PPP1R9A: variants seen among roughly 807,000 people sequenced by gnomAD.
The protein encoded by PPP1R9A is neurabin-1.
Under a neutral mutation model 141.9 loss-of-function variants are expected in PPP1R9A, and 59 were observed. The observed-to-expected ratio is 0.42, with a 90% CI of 0.34 to 0.52. The LOEUF is 0.52. PPP1R9A is among the 20% of genes least tolerant of loss of function. The probability of loss-of-function intolerance (pLI) is 0.10; values close to 1 mark genes in which losing one functional copy is unlikely to be tolerated. For synonymous variants in PPP1R9A, 500 were observed against 569.7 expected, an observed-to-expected ratio of 0.88 and a Z score of 1.74; for missense variants, 1,444 against 1,611.9, an observed-to-expected ratio of 0.90 and a Z score of 1.78.
chr7:94,998,850 G>C lies in PPP1R9A; in HGVS notation c.1395+87342G>C, dbSNP rs183845965. Among the ~76,000 whole-genome samples the C allele has an allele frequency of 4.6e-5, 7 of 152,138 alleles. No homozygotes were observed. The East Asian group carries it at 1.2e-3, about 25-fold the overall frequency. On this transcript the variant is annotated intron_variant, in intron 2 of 19. Transcript: ENST00000433360. Reference sequence around the variant, plus strand: ...TGTAACCATGGCTCACTGCATCCTTGACCTTGGGGCTCAAGTGGTCCTTCC... The same window carrying C: ...TGTAACCATGGCTCACTGCATCCTTCACCTTGGGGCTCAAGTGGTCCTTCC...
intron 2 of PPP1R9A, among the ~76,000 whole-genome samples, chr7:94,979,303 C>A (rs1258715480): frequency 6.6e-6 from 1 of 152,124 alleles, no homozygotes; most frequent in African/African-American, 2.4e-5. Context: ...GTATTAAATT[C>A]AGTTTATTAA....
At chr7:94,960,730 G>A (rs535606067) in intron 2 of PPP1R9A, among the ~76,000 whole-genome samples, 17 of 151,638 alleles carry the variant, frequency 1.1e-4, no homozygotes, top group Middle Eastern at 3.4e-3. Context: ...ATTAAGCAAA[G>A]GAGCCAAAAT....
intron 4 of PPP1R9A, among the ~76,000 whole-genome samples, chr7:95,153,454 G>T (rs1201287521): frequency 6.6e-6 from 1 of 152,052 alleles, no homozygotes; most frequent in Non-Finnish European, 1.5e-5. Flanking sequence ...TAGCTTATCT[G>T]ATCAATACAC....
At chr7:94,948,357 T>A (rs1040468826) in intron 2 of PPP1R9A, among the ~76,000 whole-genome samples, 2 of 152,062 alleles carry the variant, frequency 1.3e-5, no homozygotes, top group Non-Finnish European at 2.9e-5. Context: ...TGGTTTTGTT[T>A]TTACATTTTC....
intron 2 of PPP1R9A, among the ~76,000 whole-genome samples, chr7:94,997,478 A>G (rs1366557471): frequency 1.3e-5 from 2 of 152,098 alleles, no homozygotes; most frequent in Non-Finnish European, 2.9e-5. Context: ...ACTTCGTTAT[A>G]GTGGGTCTGG....
At chr7:95,190,458 C>A (rs1162075640) in intron 5 of PPP1R9A, among the ~76,000 whole-genome samples, 1 of 152,142 alleles carries the variant, frequency 6.6e-6, no homozygotes, top group South Asian at 2.1e-4. Context: ...TGTGAGAGTC[C>A]TTGGTTTTAG....
At chr7:95,068,697 C>G (rs1452534899) in intron 2 of PPP1R9A, among the ~76,000 whole-genome samples, 1 of 150,468 alleles carries the variant, frequency 6.6e-6, no homozygotes, top group Admixed American at 6.6e-5. Context: ...AAAAATTGAG[C>G]TTATGCTCTC....
intron 12 of PPP1R9A, among the ~76,000 whole-genome samples, chr7:95,262,406 T>C (rs1800571184): frequency 6.6e-6 from 1 of 152,214 alleles, no homozygotes; most frequent in South Asian, 2.1e-4. Context: ...GATATTTAAA[T>C]GCCTTTCCCT....
intron 2 of PPP1R9A, among the ~76,000 whole-genome samples, chr7:94,989,137 T>C (rs1396565187): frequency 6.6e-6 from 1 of 151,994 alleles, no homozygotes; most frequent in Non-Finnish European, 1.5e-5. Context: ...CTAACAAGTT[T>C]CCAGGTGATG....
At chr7:95,010,478 C>T (rs1247011999) in intron 2 of PPP1R9A, among the ~76,000 whole-genome samples, 1 of 152,044 alleles carries the variant, frequency 6.6e-6, no homozygotes, top group Non-Finnish European at 1.5e-5. Context: ...TTTTTCTTTA[C>T]AAGTTTGATA....
intron 2 of PPP1R9A, among the ~76,000 whole-genome samples, chr7:95,003,974 C>T (rs773415014): frequency 6.6e-6 from 1 of 151,978 alleles, no homozygotes; most frequent in African/African-American, 2.4e-5. Context: ...GATTTTGCAC[C>T]CTTTGTACCA....
chr7:95,252,550 C>T (rs980407911), intron 12 of PPP1R9A, among the ~76,000 whole-genome samples: 1 of 147,584 alleles, frequency 6.8e-6, no homozygotes, highest in Non-Finnish European at 1.5e-5. Context: ...TCACTACAAC[C>T]TTCGCCTCCC....
At chr7:95,094,515 C>A (rs1817765104) in intron 2 of PPP1R9A, among the ~76,000 whole-genome samples, 1 of 152,014 alleles carries the variant, frequency 6.6e-6, no homozygotes, top group Non-Finnish European at 1.5e-5. Flanking sequence ...TCATAAGTTG[C>A]AGGATAACTT....
At chr7:95,154,115 G>GT (rs957826136) in intron 4 of PPP1R9A, among the ~76,000 whole-genome samples, 1 of 149,838 alleles carries the variant, frequency 6.7e-6, no homozygotes, top group African/African-American at 2.5e-5. Context: ...TTTAGTTGTG[G>GT]TTTTTTTCTT....
At chr7:95,053,875 A>G (rs1811132446) in intron 2 of PPP1R9A, among the ~76,000 whole-genome samples, 2 of 152,332 alleles carry the variant, frequency 1.3e-5, no homozygotes, top group South Asian at 4.1e-4. Flanking sequence ...AATTCATTAT[A>G]CATTGCTCTA....
intron 2 of PPP1R9A, among the ~76,000 whole-genome samples, chr7:94,956,339 A>G (rs1296565417): frequency 1.3e-5 from 2 of 152,046 alleles, no homozygotes; most frequent in African/African-American, 4.8e-5. Flanking sequence ...TGCGTGCCAT[A>G]GAAGTAGAAT....
rs534635949 is a variant in PPP1R9A at position 95,021,709 on chromosome 7, C to A, written c.1396-89550C>A. On this transcript the variant is annotated intron_variant, in intron 2 of 19. Transcript: ENST00000433360. ...ATATGGCTAGCCAGTTTTCCCAACA[C>A]CATTTATTAAATAGGGAATCCTTTC... 6.0e-4 allele frequency among the ~76,000 whole-genome samples: 91 copies of A among 152,232 alleles called. 1 individual carries two copies. The highest frequency in any genetic ancestry group is 2.1e-3 in the African/African-American group (87 of 41,554).
At chr7:95,217,289 G>A (rs1183772108) in intron 7 of PPP1R9A, among the ~76,000 whole-genome samples, 2 of 152,164 alleles carry the variant, frequency 1.3e-5, no homozygotes, top group Non-Finnish European at 2.9e-5. Flanking sequence ...TGCGTGTGAG[G>A]AACCAGCCTT....
Position 95,032,355 on chromosome 7 carries a change from A to G in PPP1R9A, c.1396-78904A>G, listed in dbSNP as rs182943658. Among the ~76,000 whole-genome samples the G allele has an allele frequency of 3.6e-3, 541 of 152,298 alleles. 5 individuals carry two copies. Among genetic ancestry groups the G allele is most frequent in the African/African-American group, 0.012 (515 of 41,578 alleles). On this transcript the variant is annotated intron_variant, in intron 2 of 19. Transcript: ENST00000433360. Reference sequence around the variant, plus strand: ...TTGATACTTGTGTTTTTACTAAGACATAATCTTTTTTTTTTTAAATTGAAT... The same window carrying G: ...TTGATACTTGTGTTTTTACTAAGACGTAATCTTTTTTTTTTTAAATTGAAT...
Sources: allele counts gnomAD v4.1 joint callset (sites outside exome capture counted in the v4.1 genomes callset), GRCh38; gene constraint gnomAD v4.1.1; transcripts MANE v1.5; gene names NCBI Gene and HGNC (gene_info 2026-07-23, HGNC 2026-07-21).